ZBBX: variants seen among roughly 807,000 people sequenced by gnomAD.
The protein encoded by ZBBX is zinc finger B-box domain-containing protein 1.
In ZBBX, 101 loss-of-function variants were observed where a neutral mutation model predicts 108.5. That is an observed-to-expected ratio of 0.93 (90% CI 0.79 to 1.10). The LOEUF (loss-of-function observed/expected upper bound fraction) is 1.10, where lower values mean the gene tolerates loss of function less well. Ranked by LOEUF, ZBBX falls within the 50% of genes least tolerant of loss-of-function variation. The pLI is 0.00. For synonymous variants in ZBBX, 356 were observed against 323.4 expected (o/e 1.10, Z -1.08); for missense variants, 1,009 against 941.4 (o/e 1.07, Z -0.94).
intron 10 of ZBBX, among the ~76,000 whole-genome samples, chr3:167,329,346 T>C (rs1737988599): frequency 6.6e-6 from 1 of 152,218 alleles, no homozygotes; most frequent in Admixed American, 6.6e-5. Flanking sequence ...AATCTCTATG[T>C]TCAGCCCGCA....
At position 167,368,519 on chromosome 3, in the gene ZBBX, T is replaced by C; in HGVS notation, c.124A>G (p.Met42Val). 1 of 1,612,574 alleles carries C rather than the reference T, an allele frequency of 6.2e-7. No homozygotes were observed. The highest frequency in any genetic ancestry group is 8.5e-7 in the Non-Finnish European group (1 of 1,179,026). Reference protein sequence around the residue: ...KVQLEFENQEMEKKLQEFRST... With the variant: ...KVQLEFENQEVEKKLQEFRST... ...CGGAATTCTTGCAGTTTCTTCTCCA[T>C]CTCTTGGTTCTCAAACTCTAACTGT... Residue 42 changes from methionine to valine, a missense_variant, in exon 5 of 22, where the codon ATG becomes GTG. By Grantham distance (21) the Met-to-Val change is conservative. Coordinates refer to ENST00000675490, the MANE Select transcript of ZBBX (RefSeq NM_001199201.2).
intron 19 of ZBBX, among the ~76,000 whole-genome samples, chr3:167,285,320 C>T (rs532460520): frequency 2.6e-5 from 4 of 152,010 alleles, no homozygotes; most frequent in Non-Finnish European, 5.9e-5. Flanking sequence ...ACTATAGCAA[C>T]ATAATTTTAG....
chr3:167,238,083 A>C (rs1416241361), downstream of ZBBX, among the ~76,000 whole-genome samples: 1 of 152,036 alleles, frequency 6.6e-6, no homozygotes, highest in Non-Finnish European at 1.5e-5. Context: ...AAAGGAGGGT[A>C]GAAAGAGTCA....
chr3:167,300,676 C>A (rs1415880549), intron 17 of ZBBX, among the ~76,000 whole-genome samples: 9 of 151,072 alleles, frequency 6.0e-5, no homozygotes, highest in African/African-American at 2.2e-4. Flanking sequence ...ATGGCGCGAC[C>A]TCAGCTCACT....
chr3:167,330,863 AGGAGGAGG>A (rs1417682865), intron 10 of ZBBX, among the ~76,000 whole-genome samples: 90 of 81,704 alleles, frequency 1.1e-3, no homozygotes, highest in Middle Eastern at 5.1e-3. Context: ...GAGGAGGAGG[AGGAGGAGG>A]AGAAGAAGAA....
At chr3:167,288,097 C>T (rs1447933444) in intron 19 of ZBBX, among the ~76,000 whole-genome samples, 1 of 151,986 alleles carries the variant, frequency 6.6e-6, no homozygotes, top group Non-Finnish European at 1.5e-5. Flanking sequence ...TCCTCGGGGC[C>T]AATCCAAGTG....
chr3:167,194,677 G>C, the ZBBX span, among the ~76,000 whole-genome samples: 1 of 152,176 alleles, frequency 6.6e-6, no homozygotes, highest in South Asian at 2.1e-4. Flanking sequence ...GGTTTCCACT[G>C]TCACCACTAG....
intron 1 of ZBBX, among the ~76,000 whole-genome samples, chr3:167,404,655 A>G (rs1748528145): frequency 6.6e-6 from 1 of 152,206 alleles, no homozygotes; most frequent in South Asian, 2.1e-4. Flanking sequence ...TACAAATGTA[A>G]GTTTCTCAAG....
chr3:167,279,083 C>T (rs9682647), intron 20 of ZBBX, among the ~76,000 whole-genome samples: 122,262 of 149,474 alleles, frequency 0.82, 50,461 homozygotes, highest in African/African-American at 0.93. Context: ...ATAAATTAGG[C>T]ATTGATGGGA....
chr3:167,291,051 A>G (rs1269662817), intron 18 of ZBBX, among the ~76,000 whole-genome samples: 2 of 152,148 alleles, frequency 1.3e-5, no homozygotes, highest in East Asian at 3.9e-4. Flanking sequence ...GAAATATGGG[A>G]CTGTGTGAAA....
intron 20 of ZBBX, among the ~76,000 whole-genome samples, chr3:167,274,783 A>C (rs1302122833): frequency 2.0e-5 from 3 of 152,154 alleles, no homozygotes; most frequent in African/African-American, 7.2e-5. Flanking sequence ...AAATATTTAC[A>C]AGTAGCCAAT....
chr3:167,249,302 C>T (rs977976871), intron 20 of ZBBX, among the ~76,000 whole-genome samples: 1 of 152,288 alleles, frequency 6.6e-6, no homozygotes, highest in Admixed American at 6.5e-5. Context: ...GCTTGCAAGG[C>T]AATCCAGACC....
At chr3:167,192,999 G>A in the ZBBX span, among the ~76,000 whole-genome samples, 7 of 152,202 alleles carry the variant, frequency 4.6e-5, no homozygotes, top group African/African-American at 1.7e-4. Flanking sequence ...CCTTTGAGGA[G>A]GTCATGGTTT....
chr3:167,254,043 C>A (rs968500777), intron 20 of ZBBX, among the ~76,000 whole-genome samples: 3 of 152,086 alleles, frequency 2.0e-5, no homozygotes, highest in Non-Finnish European at 2.9e-5. Flanking sequence ...CAAGCTGTAA[C>A]AAACATCAAT....
chr3:167,219,012 C>CA, the ZBBX span, among the ~76,000 whole-genome samples: 1 of 151,362 alleles, frequency 6.6e-6, no homozygotes, highest in African/African-American at 2.4e-5. Context: ...GATTTCAAAA[C>CA]AAAAACTGTA....
the ZBBX span, among the ~76,000 whole-genome samples, chr3:167,179,882 C>A: frequency 6.6e-6 from 1 of 152,056 alleles, no homozygotes; most frequent in Non-Finnish European, 1.5e-5. Flanking sequence ...TCGAGAATAC[C>A]CACAAAGTCA....
chr3:167,248,450 T>C (rs1721973701), intron 20 of ZBBX, among the ~76,000 whole-genome samples: 1 of 150,118 alleles, frequency 6.7e-6, no homozygotes, highest in Non-Finnish European at 1.5e-5. Flanking sequence ...TCTTTTTTCT[T>C]TTTTTTTTTC....
At chr3:167,331,076 C>T (rs1368275446) in intron 10 of ZBBX, among the ~76,000 whole-genome samples, 1 of 151,544 alleles carries the variant, frequency 6.6e-6, no homozygotes, top group Non-Finnish European at 1.5e-5. Context: ...GGAACCAATA[C>T]TGCCAGCACC....
At chr3:167,255,543 A>G (rs1489177060) in intron 20 of ZBBX, among the ~76,000 whole-genome samples, 1 of 152,144 alleles carries the variant, frequency 6.6e-6, no homozygotes, top group Non-Finnish European at 1.5e-5. Context: ...TTAAAAAATA[A>G]ACAAATGAGC....
Sources: gnomAD v4.1 joint callset for allele counts (sites outside exome capture counted in the v4.1 genomes callset) on GRCh38, gnomAD v4.1.1 for gene constraint, MANE v1.5 for transcripts, NCBI Gene and HGNC (gene_info 2026-07-23, HGNC 2026-07-21) for gene names.